The following ZNF334 variants were observed in gnomAD, a reference collection of about 807,000 sequenced individuals.
The protein encoded by ZNF334 is zinc finger protein 334.
In ZNF334, 14 loss-of-function variants were observed where a neutral mutation model predicts 12.4. The ratio of observed to expected loss-of-function variants is 1.13; its 90% CI spans 0.74 to 1.76. The LOEUF (loss-of-function observed/expected upper bound fraction) is 1.76. Ranked by LOEUF, ZNF334 falls within the 40% of genes most tolerant of loss-of-function variation. The pLI is 0.00. For synonymous variants in ZNF334, 273 were observed against 269.6 expected (o/e 1.01, Z -0.12); for missense variants, 797 against 804.5 (o/e 0.99, Z 0.11).
chr20:46,501,269 T>C lies in ZNF334; in HGVS notation c.*27A>G, dbSNP rs1352299508. The C allele has an allele frequency of 6.3e-7, 1 of 1,588,720 alleles. No individual in the cohort carries two copies. The highest frequency in any genetic ancestry group is 1.8e-5 in the Admixed American group (1 of 57,048). ...GTGTAAGTTATTTGATTTGTTGCTTTGTTGGAATTTATTACTTTGTTGGAA... is the reference window on the plus strand; with the variant it reads ...GTGTAAGTTATTTGATTTGTTGCTTCGTTGGAATTTATTACTTTGTTGGAA... On this transcript the variant is annotated 3_prime_UTR_variant, in exon 5 of 5. Transcript: ENST00000692313.
the ZNF334 span, chr20:46,464,133 C>T: frequency 5.4e-6 from 3 of 555,686 alleles, no homozygotes; most frequent in East Asian, 4.5e-5. Context: ...TCTGTGTATC[C>T]TTTCTATGGC....
downstream of ZNF334, among the ~76,000 whole-genome samples, chr20:46,498,866 C>A (rs1159240312): frequency 6.6e-6 from 1 of 152,124 alleles, no homozygotes; most frequent in African/African-American, 2.4e-5. Context: ...TGGACACAAA[C>A]ATGCACACTT....
At chr20:46,498,920 A>G (rs890838820), downstream of ZNF334, among the ~76,000 whole-genome samples, 2 of 152,066 alleles carry the variant, frequency 1.3e-5, no homozygotes, top group Non-Finnish European at 2.9e-5. Flanking sequence ...CACGCCTGTA[A>G]TCCCAGCACT....
rs1568861718 is a variant in ZNF334 at position 46,502,857 on chromosome 20, ATCTT to A, written c.478_481del (p.Lys160PhefsTer18). ...CCCAAATCCACTGTATCCATCAGGA[ATCTT>A]TCTGTTTTCTTTGCTTTTCTTTGCA... On this transcript the variant is annotated frameshift_variant, in exon 5 of 5. Transcript: ENST00000692313. LOFTEE classifies it low-confidence loss of function (END_TRUNC). 1 of 1,613,764 alleles carries A rather than the reference ATCTT, an allele frequency of 6.2e-7. No homozygotes were observed. The highest frequency in any genetic ancestry group is 8.5e-7 in the Non-Finnish European group (1 of 1,179,940).
At position 46,502,798 on chromosome 20, in the gene ZNF334, AT is replaced by A. The variant is rs1457097543; in HGVS notation, c.540del (p.Lys180AsnfsTer7). On this transcript the variant is annotated frameshift_variant, in exon 5 of 5. Coordinates refer to ENST00000692313, the MANE Select transcript of ZNF334 (RefSeq NM_001353824.2). LOFTEE classifies it low-confidence loss of function (END_TRUNC). ...GCTTTCCTCATTGGATTGTATCTGT[AT>A]TTTTTCATTCCCAAATGACTTTTCT... The part of the protein sequence containing the change: ...KHEKSHLGMK[K>X]YRYNPMRKAS... 1 of 1,613,762 alleles carries A rather than the reference AT, an allele frequency of 6.2e-7. No individual in the cohort carries two copies. The highest frequency in any genetic ancestry group is 1.3e-5 in the African/African-American group (1 of 74,996).
At chr20:46,482,815 T>C in the ZNF334 span, among the ~76,000 whole-genome samples, 1 of 152,194 alleles carries the variant, frequency 6.6e-6, no homozygotes, top group Non-Finnish European at 1.5e-5. Context: ...CACGCATAGA[T>C]GGCCCTTATT....
chr20:46,478,083 C>T, the ZNF334 span, among the ~76,000 whole-genome samples: 4 of 152,196 alleles, frequency 2.6e-5, no homozygotes, highest in African/African-American at 7.2e-5. Context: ...ACTCTCTCTC[C>T]CTTTCCTCTG....
chr20:46,471,841 G>C, the ZNF334 span, among the ~76,000 whole-genome samples: 3 of 152,054 alleles, frequency 2.0e-5, no homozygotes, highest in African/African-American at 7.2e-5. Context: ...TTTAAAATAA[G>C]TCTTAATATC....
chr20:46,504,357 A>C, intron 3 of ZNF334, 51 bp from the exon 4 acceptor site: 1 of 1,494,316 alleles, frequency 6.7e-7, no homozygotes, highest in Non-Finnish European at 9.3e-7. Flanking sequence ...GACATCAGAG[A>C]CTCTGAAGAA....
the ZNF334 span, chr20:46,464,225 G>A: frequency 1.9e-6 from 1 of 535,358 alleles, no homozygotes; most frequent in South Asian, 1.5e-5. Flanking sequence ...CTGCACGCCT[G>A]GCTGCTCATT....
intron 2 of ZNF334, chr20:46,505,495 G>A (rs563673178): frequency 2.5e-3 from 389 of 153,768 alleles, no homozygotes; most frequent in South Asian, 7.9e-3. Context: ...CCAGTGAATT[G>A]CTGGGGTGCT....
chr20:46,473,884 T>C, the ZNF334 span, among the ~76,000 whole-genome samples: 1 of 152,148 alleles, frequency 6.6e-6, no homozygotes, highest in African/African-American at 2.4e-5. Context: ...TCACCCAAAG[T>C]GAGATTGTAC....
rs371570353 is a variant in ZNF334 at position 46,501,262 on chromosome 20, G to T, written c.*34C>A. The T allele has an allele frequency of 3.8e-6, 6 of 1,582,474 alleles. No individual in the cohort carries two copies. The highest frequency in any genetic ancestry group is 2.7e-5 in the African/African-American group (2 of 73,704). On this transcript the variant is annotated 3_prime_UTR_variant, in exon 5 of 5. Coordinates refer to ENST00000692313, the MANE Select transcript of ZNF334 (RefSeq NM_001353824.2). ...TAGCATTGTGTAAGTTATTTGATTT[G>T]TTGCTTTGTTGGAATTTATTACTTT...
chr20:46,485,439 GTTTTTT>G, the ZNF334 span: 13 of 145,556 alleles, frequency 8.9e-5, no homozygotes, highest in Admixed American at 5.5e-4. Flanking sequence ...GGTTTTTTTT[GTTTTTT>G]TTTTTAAGAA....
chr20:46,470,699 G>C, the ZNF334 span, among the ~76,000 whole-genome samples: 4 of 152,180 alleles, frequency 2.6e-5, no homozygotes, highest in South Asian at 6.2e-4. Context: ...TTTTAGCTTT[G>C]CCTGTTACTT....
Position 46,501,664 on chromosome 20 carries a change from G to C in ZNF334, c.1675C>G (p.Leu559Val). The C allele has an allele frequency of 1.9e-6, 3 of 1,614,144 alleles. No homozygotes were observed. Among genetic ancestry groups the C allele is most frequent in the Non-Finnish European group, 2.5e-6 (3 of 1,179,996 alleles). ...GTGTGTGTTCTCTGATGGTGAGTCA[G>C]GGCTGACTTCCTGCAGTAGGTTCTC... ...CGRTYCRKSA[L>V]THHQRTHTGQ... Residue 559 changes from leucine (L) to valine (V), a missense_variant, in exon 5 of 5, where the codon CTG (leucine) becomes GTG (valine). Transcript: ENST00000692313.
chr20:46,464,117 C>A, the ZNF334 span: 8 of 578,136 alleles, frequency 1.4e-5, no homozygotes, highest in Admixed American at 1.1e-4. Flanking sequence ...TATCTGTTTG[C>A]CTGTCTCTGT....
chr20:46,504,658 T>C lies in ZNF334; in HGVS notation c.104A>G (p.Tyr35Cys), dbSNP rs1180924524. ...QQLDPAQRLL[Y>C]RDVMLENYSN... ...GTAGTTCTCCAGCATCACATCCCTG[T>C]ACAGGAGCCTCTGAGCAGGGTCCAG... Residue 35 changes from tyrosine to cysteine, a missense_variant, in exon 3 of 5, where the codon TAC becomes TGC. Coordinates refer to ENST00000692313, the MANE Select transcript of ZNF334 (RefSeq NM_001353824.2). 2.5e-6 allele frequency: 4 copies of C among 1,612,700 alleles called. No homozygotes were observed. Among genetic ancestry groups the C allele is most frequent in the South Asian group, 1.1e-5 (1 of 90,776 alleles).
chr20:46,510,553 G>A (rs1454802891), intron 2 of ZNF334, among the ~76,000 whole-genome samples: 1 of 151,828 alleles, frequency 6.6e-6, no homozygotes, highest in Admixed American at 6.6e-5. Context: ...GCGAAACCCC[G>A]TCTCTACTAA....
Sources: allele counts gnomAD v4.1 joint callset (sites outside exome capture counted in the v4.1 genomes callset), GRCh38; gene constraint gnomAD v4.1.1; transcripts MANE v1.5; gene names NCBI Gene and HGNC (gene_info 2026-07-23, HGNC 2026-07-21).